SCIMP: variants seen among roughly 807,000 people sequenced by gnomAD.
The protein encoded by SCIMP is SLP adaptor and CSK interacting membrane protein, also known as SLP adapter and CSK-interacting membrane protein.
SCIMP carries 18 observed loss-of-function variants against 22.0 expected under a neutral mutation model. The ratio of observed to expected loss-of-function variants is 0.82; its 90% CI spans 0.56 to 1.21. The LOEUF is 1.21. Among genes scored for constraint, SCIMP ranks in the 50% most tolerant of loss-of-function variants. The probability of loss-of-function intolerance (pLI) is 0.00; values close to 1 mark genes in which losing one functional copy is unlikely to be tolerated. For synonymous variants in SCIMP, 53 were observed against 62.2 expected (o/e 0.85, Z 0.70); for missense variants, 155 against 171.2 (o/e 0.91, Z 0.53).
At chr17:5,226,031 G>A (rs566535375) in intron 1 of SCIMP, among the ~76,000 whole-genome samples, 4 of 152,226 alleles carry the variant, frequency 2.6e-5, no homozygotes, top group African/African-American at 7.2e-5. Flanking sequence ...TTTCTGTGTT[G>A]GTGATTGTTG....
At chr17:5,228,655 G>GA (rs2074670647) in intron 1 of SCIMP, among the ~76,000 whole-genome samples, 2 of 151,714 alleles carry the variant, frequency 1.3e-5, no homozygotes, top group South Asian at 2.1e-4. Context: ...AAAAAAAAAA[G>GA]AAAAAACAGT....
chr17:5,224,184 G>T (rs1370752520), intron 1 of SCIMP, among the ~76,000 whole-genome samples: 1 of 152,192 alleles, frequency 6.6e-6, no homozygotes, highest in Non-Finnish European at 1.5e-5. Context: ...ACTCAGGCTG[G>T]AGTGCAGTGG....
chr17:5,222,665 C>CA (rs1255177624), intron 2 of SCIMP, among the ~76,000 whole-genome samples: 1 of 151,074 alleles, frequency 6.6e-6, no homozygotes. Flanking sequence ...CAAGACAGTT[C>CA]TTTTTTTTTC....
rs1278058946 is a variant in SCIMP at position 5,234,654 on chromosome 17, G to A, written c.21+81C>T. 2.3e-5 allele frequency: 34 copies of A among 1,471,664 alleles called. No homozygotes were observed. The East Asian group carries it at 3.2e-4, about 14-fold the overall frequency. The allele number at this position is 1,471,664 out of a possible 1,614,324, so 91.2% of individuals were successfully genotyped here. Reference sequence around the variant, plus strand: ...CCAGTGCTGATCGGTGGCTCCCAGGGACACGCCCTGATGCCAGCGCTGGCA... The same window carrying A: ...CCAGTGCTGATCGGTGGCTCCCAGGAACACGCCCTGATGCCAGCGCTGGCA... On this transcript the variant is annotated intron_variant, in intron 1 of 4. Transcript: ENST00000574081.
chr17:5,225,324 G>C (rs529307582), intron 1 of SCIMP, among the ~76,000 whole-genome samples: 1 of 152,188 alleles, frequency 6.6e-6, no homozygotes, highest in African/African-American at 2.4e-5. Flanking sequence ...AATTAGCTGG[G>C]TGTGGTGGCA....
In SCIMP at chr17:5,210,972, G is replaced by A. The variant is rs569423985; in HGVS notation, c.284-17C>T. 6.3e-7 allele frequency: 1 copy of A among 1,591,264 alleles called. No homozygotes were observed. The highest frequency in any genetic ancestry group is 1.4e-5 in the African/African-American group (1 of 73,398). ...CCTGTGGGGCTAGAATACACAAAAA[G>A]CTCCTTAGATGCAAAGCTGTCATGT... On this transcript the variant is annotated splice_polypyrimidine_tract_variant and intron_variant, in intron 4 of 4. Coordinates refer to ENST00000574081, the MANE Select transcript of SCIMP (RefSeq NM_207103.3).
Position 5,234,486 on chromosome 17 carries a change from T to C in SCIMP, c.21+249A>G. 5.4e-6 allele frequency: 3 copies of C among 559,800 alleles called. No individual in the cohort carries two copies. In the Admixed American group the frequency reaches 9.4e-5, roughly 18 times the overall value. The allele number at this position is 559,800 out of a possible 1,614,324, so 34.7% of individuals were successfully genotyped here. ...GTAGACTTCTTCATCGCCCCTGACA[T>C]ACACATGAGGAAAAGGCCCAGAGAG... On this transcript the variant is annotated intron_variant, in intron 1 of 4. Coordinates refer to ENST00000574081, the MANE Select transcript of SCIMP (RefSeq NM_207103.3).
At chr17:5,226,433 AT>A (rs1038372638) in intron 1 of SCIMP, among the ~76,000 whole-genome samples, 2 of 151,532 alleles carry the variant, frequency 1.3e-5, no homozygotes, top group Admixed American at 1.3e-4. Context: ...AGTAATAAAT[AT>A]TTTTTGTCAG....
intron 1 of SCIMP, among the ~76,000 whole-genome samples, chr17:5,227,788 G>A (rs995590708): frequency 1.5e-4 from 23 of 152,176 alleles, no homozygotes; most frequent in African/African-American, 5.3e-4. Context: ...AGTTGGTGGA[G>A]CCTCTCTCGT....
rs1474661970 is a variant in SCIMP at position 5,223,742 on chromosome 17, G to C, written c.22-286C>G. ...TTTTTGTATTTTTAGTAGAGATGGG[G>C]TTTCGCCACGTTGGCCAGGCTGGTC... On this transcript the variant is annotated intron_variant, in intron 1 of 4. Transcript: ENST00000574081. 22 of 358,730 alleles carry C rather than the reference G, an allele frequency of 6.1e-5. No individual in the cohort carries two copies. In the East Asian group the frequency reaches 1.6e-3, roughly 25 times the overall value. 22.2% of individuals were successfully genotyped at this position (358,730 alleles called of 1,614,324 possible). A position where few individuals can be genotyped will look rare whatever the true frequency, so the allele number is the denominator to read the frequency against.
intron 3 of SCIMP, 151 bp from the exon 4 acceptor site, chr17:5,215,149 C>G: frequency 1.7e-6 from 1 of 573,428 alleles, no homozygotes; most frequent in Non-Finnish European, 3.2e-6. Context: ...CTTTGTAGGT[C>G]CTGGTTCCCA....
At chr17:5,234,202 C>T (rs917731876) in intron 1 of SCIMP, among the ~76,000 whole-genome samples, 8 of 152,008 alleles carry the variant, frequency 5.3e-5, no homozygotes, top group African/African-American at 1.7e-4. Context: ...ACCCGGGAGG[C>T]GGTGGTTGCA....
At chr17:5,234,711 C>A in intron 1 of SCIMP, 24 bp downstream of exon 1, 1 of 1,611,110 alleles carries the variant, frequency 6.2e-7, no homozygotes, top group African/African-American at 1.3e-5. Flanking sequence ...AGGAAACTGT[C>A]CCTTGGAAAG....
intron 3 of SCIMP, among the ~76,000 whole-genome samples, chr17:5,219,586 C>T (rs1469274038): frequency 6.6e-6 from 1 of 152,126 alleles, no homozygotes; most frequent in Non-Finnish European, 1.5e-5. Flanking sequence ...CGAAATCACG[C>T]CATTGCTCTC....
chr17:5,213,574 T>C (rs2074542700), intron 4 of SCIMP: 1 of 152,260 alleles, frequency 6.6e-6, no homozygotes, highest in Non-Finnish European at 1.5e-5. Context: ...TGGCTGTGTG[T>C]GGTGGCTCAT....
chr17:5,227,815 C>T (rs943863416), intron 1 of SCIMP, among the ~76,000 whole-genome samples: 1 of 152,188 alleles, frequency 6.6e-6, no homozygotes, highest in African/African-American at 2.4e-5. Context: ...ATCCTTTCTC[C>T]TTGCCTACCG....
chr17:5,218,661 C>T (rs1411758748), intron 3 of SCIMP, among the ~76,000 whole-genome samples: 2 of 152,006 alleles, frequency 1.3e-5, no homozygotes, highest in South Asian at 4.1e-4. Context: ...TTAAAAAAGG[C>T]AATATTTAGT....
chr17:5,234,664 G>C (rs1419782291), intron 1 of SCIMP, 71 bp downstream of exon 1: 2 of 1,529,218 alleles, frequency 1.3e-6, no homozygotes, highest in East Asian at 2.3e-5. Context: ...GACACGCCCT[G>C]ATGCCAGCGC....
intron 1 of SCIMP, among the ~76,000 whole-genome samples, chr17:5,233,661 A>C (rs975380002): frequency 6.6e-6 from 1 of 152,154 alleles, no homozygotes; most frequent in South Asian, 2.1e-4. Context: ...GTGAGCCACC[A>C]TGCCCCGCCT....
Sources: gnomAD v4.1 joint callset for allele counts (sites outside exome capture counted in the v4.1 genomes callset) on GRCh38, gnomAD v4.1.1 for gene constraint, MANE v1.5 for transcripts, NCBI Gene and HGNC (gene_info 2026-07-23, HGNC 2026-07-21) for gene names.